The following RSBN1 variants were observed in gnomAD, a reference collection of about 807,000 sequenced individuals.
The protein encoded by RSBN1 is lysine-specific demethylase 9.
In RSBN1, 23 loss-of-function variants were observed where a neutral mutation model predicts 74.8. That is an observed-to-expected ratio of 0.31 (90% confidence interval 0.22 to 0.44). RSBN1 has a LOEUF of 0.44. RSBN1 is among the 20% of genes least tolerant of loss of function. The probability of loss-of-function intolerance (pLI) is 1.00; values close to 1 mark genes in which losing one functional copy is unlikely to be tolerated. For missense variants in RSBN1, 808 were observed against 1,020.9 expected (o/e 0.79, Z 2.84); for synonymous variants, 407 against 379.6 (o/e 1.07, Z -0.84).
rs1350920017 is a variant in RSBN1 at position 113,763,155 on chromosome 1, G to C, written c.*2825C>G. The C allele has an allele frequency of 1.3e-5, 2 of 152,596 alleles. No homozygotes were observed. Among genetic ancestry groups the C allele is most frequent in the Non-Finnish European group, 2.9e-5 (2 of 67,986 alleles). 9.5% of individuals were successfully genotyped at this position (152,596 alleles called of 1,614,324 possible). A position where few individuals can be genotyped will look rare whatever the true frequency, so the allele number is the denominator to read the frequency against. ...TCTTGGTATAGAGAATTACTTCTGG[G>C]GCAAGAGGAAGACTTTTATGCTTTT... On this transcript the variant is annotated 3_prime_UTR_variant, in exon 7 of 7. Transcript: ENST00000261441.
chr1:113,770,846 C>T (rs1290788035), intron 4 of RSBN1, among the ~76,000 whole-genome samples: 3 of 151,710 alleles, frequency 2.0e-5, no homozygotes, highest in Non-Finnish European at 2.9e-5. Flanking sequence ...TAAATGTCTC[C>T]GAATCAAAAG....
At position 113,812,249 on chromosome 1, in the gene RSBN1, G is replaced by A. The variant is rs757034435; in HGVS notation, c.164C>T (p.Ala55Val). The change falls in exon 1 of 7, where the codon GCG becomes GTG. Residue 55 changes from alanine (A) to valine (V), a missense_variant. By Grantham distance (64) the Ala-to-Val change is moderately conservative. Around this residue, in one of 6 missense-constraint regions of RSBN1, gnomAD observed 464 missense variants for 401.0 expected, o/e 1.16. Coordinates refer to ENST00000261441, the MANE Select transcript of RSBN1 (RefSeq NM_018364.5). The part of the protein sequence containing the change: ...FVGEMAAQVG[A>V]VRVVRAVAAQ... Reference sequence around the variant, plus strand: ...CGCCACCGCCCGTACTACGCGCACCGCTCCGACCTGCGCAGCCATTTCACC... The same window carrying A: ...CGCCACCGCCCGTACTACGCGCACCACTCCGACCTGCGCAGCCATTTCACC... 9 of 1,605,968 alleles carry A rather than the reference G, an allele frequency of 5.6e-6. 1 individual carries two copies. The highest frequency in any genetic ancestry group is 4.4e-5 in the South Asian group (4 of 91,084).
chr1:113,809,351 C>A (rs1217769706), intron 1 of RSBN1, among the ~76,000 whole-genome samples: 2 of 152,186 alleles, frequency 1.3e-5, no homozygotes, highest in Admixed American at 6.5e-5. Flanking sequence ...GCAATTTGTT[C>A]AGGCTCACAC....
intron 1 of RSBN1, among the ~76,000 whole-genome samples, chr1:113,801,326 C>T (rs780926366): frequency 2.6e-5 from 4 of 152,124 alleles, no homozygotes; most frequent in Non-Finnish European, 4.4e-5. Flanking sequence ...ATACAGAAAG[C>T]TTGACTTTTT....
chr1:113,804,692 A>C, intron 1 of RSBN1, among the ~76,000 whole-genome samples: 1 of 152,230 alleles, frequency 6.6e-6, no homozygotes, highest in East Asian at 1.9e-4. Context: ...CAGGGTGAGC[A>C]GGGAAAAATA....
intron 4 of RSBN1, among the ~76,000 whole-genome samples, chr1:113,771,946 G>T (rs1168584894): frequency 2.0e-5 from 3 of 151,586 alleles, no homozygotes; most frequent in African/African-American, 7.3e-5. Flanking sequence ...AGAAGTTATG[G>T]TACCAAATAT....
Position 113,770,490 on chromosome 1 carries a change from C to A in RSBN1, c.1659-2101G>T, listed in dbSNP as rs545314253. Among the ~76,000 whole-genome samples, 9 of 152,120 alleles carry A rather than the reference C, an allele frequency of 5.9e-5. No individual in the cohort carries two copies. The South Asian group carries it at 1.0e-3, about 18-fold the overall frequency. On this transcript the variant is annotated intron_variant, in intron 4 of 6. Transcript: ENST00000261441. ...GAACCAAAATTTTTGTTGCTTATAGCCAAAAACATCCTGATAAACTTTCAG... is the reference window on the plus strand; with the variant it reads ...GAACCAAAATTTTTGTTGCTTATAGACAAAAACATCCTGATAAACTTTCAG...
rs187654690 is a variant in RSBN1, at chr1:113,799,644, A to G, written c.704-1608T>C. Reference sequence around the variant, plus strand: ...TATCTGGAGAAATATATACCAAGCTATTAATGGTAGTTATCTATTGGTGGT... The same window carrying G: ...TATCTGGAGAAATATATACCAAGCTGTTAATGGTAGTTATCTATTGGTGGT... On this transcript the variant is annotated intron_variant, in intron 1 of 6. Coordinates refer to ENST00000261441, the MANE Select transcript of RSBN1 (RefSeq NM_018364.5). Among the ~76,000 whole-genome samples, 40 of 151,904 alleles carry G rather than the reference A, an allele frequency of 2.6e-4. No individual in the cohort carries two copies. The East Asian group carries it at 7.7e-3, about 29-fold the overall frequency.
At position 113,766,964 on chromosome 1, in the gene RSBN1, C is replaced by T. The variant is rs534290744; in HGVS notation, c.1935+135G>A. On this transcript the variant is annotated intron_variant, in intron 6 of 6. Transcript: ENST00000261441. The stretch of plus-strand genomic sequence containing the variant: ...TGTTTAAATGATTTTCAGCACCACC[C>T]CCACCCCAGTCTTTAACAGTAATAA... 3.6e-5 allele frequency: 20 copies of T among 548,376 alleles called. No individual in the cohort carries two copies. In the South Asian group the frequency reaches 5.3e-4, roughly 15 times the overall value. 34.0% of individuals were successfully genotyped at this position (548,376 alleles called of 1,614,324 possible).
chr1:113,777,761 C>T lies in RSBN1; in HGVS notation c.1425G>A (p.Arg475=). The change falls in exon 3 of 7, where the codon CGG becomes CGA. Residue 475 remains arginine (R), a synonymous_variant. Transcript: ENST00000261441. Reference sequence around the variant, plus strand: ...CTACTGCTCCAACGAGACTTATCTGCCGCATAGGACCTGCTCGGTAGGTGC... The same window carrying T: ...CTACTGCTCCAACGAGACTTATCTGTCGCATAGGACCTGCTCGGTAGGTGC... ...CCGTYRAGPM[R]QISLVGAVDE... is the part of the protein sequence containing the mutation. 2 of 1,609,596 alleles carry T rather than the reference C, an allele frequency of 1.2e-6. No homozygotes were observed. Among genetic ancestry groups the T allele is most frequent in the Non-Finnish European group, 1.7e-6 (2 of 1,176,980 alleles).
At chr1:113,782,302 G>T (rs548228383) in intron 2 of RSBN1, among the ~76,000 whole-genome samples, 1 of 152,226 alleles carries the variant, frequency 6.6e-6, no homozygotes, top group South Asian at 2.1e-4. Flanking sequence ...GTTAGATTTG[G>T]AGTTATAACT....
At chr1:113,771,668 C>T (rs1291595261) in intron 4 of RSBN1, among the ~76,000 whole-genome samples, 2 of 150,644 alleles carry the variant, frequency 1.3e-5, no homozygotes, top group South Asian at 2.1e-4. Context: ...AGAAAGTCAG[C>T]GTGGTTCTGG....
Position 113,762,917 on chromosome 1 carries a change from G to A in RSBN1, c.*3063C>T, listed in dbSNP as rs1197385942. 6.6e-6 allele frequency: 1 copy of A among 152,638 alleles called. No individual in the cohort carries two copies. Among genetic ancestry groups the A allele is most frequent in the East Asian group, 1.9e-4 (1 of 5,332 alleles). The allele number at this position is 152,638 out of a possible 1,614,324, so 9.5% of individuals were successfully genotyped here. A position where few individuals can be genotyped will look rare whatever the true frequency, so the allele number is the denominator to read the frequency against. ...TTCCAACTGTCTCTTAAGGGGAAAG[G>A]GCACTTTTCAAAAGTCTTTCACTAA... is the stretch of plus-strand genomic sequence containing the variant. On this transcript the variant is annotated 3_prime_UTR_variant, in exon 7 of 7. Coordinates refer to ENST00000261441, the MANE Select transcript of RSBN1 (RefSeq NM_018364.5).
chr1:113,798,379 T>C (rs1660514737), intron 1 of RSBN1, among the ~76,000 whole-genome samples: 1 of 152,226 alleles, frequency 6.6e-6, no homozygotes, highest in African/African-American at 2.4e-5. Flanking sequence ...ATGATGATTC[T>C]GAAATCTATG....
At chr1:113,779,505 A>G (rs1300511778) in intron 2 of RSBN1, among the ~76,000 whole-genome samples, 1 of 152,202 alleles carries the variant, frequency 6.6e-6, no homozygotes, top group Non-Finnish European at 1.5e-5. Flanking sequence ...ATATATTCAT[A>G]TGAATTACTT....
chr1:113,767,259 G>T, intron 5 of RSBN1, 52 bp from the exon 6 acceptor site: 2 of 1,057,474 alleles, frequency 1.9e-6, no homozygotes, highest in Non-Finnish European at 2.8e-6. Flanking sequence ...AATGAAAAAT[G>T]ATGACAAATT....
At chr1:113,770,682 G>A (rs968464410) in intron 4 of RSBN1, among the ~76,000 whole-genome samples, 1 of 152,030 alleles carries the variant, frequency 6.6e-6, no homozygotes, top group African/African-American at 2.4e-5. Context: ...AATATAAATA[G>A]AACTCACAAT....
intron 1 of RSBN1, among the ~76,000 whole-genome samples, chr1:113,807,406 C>A (rs2101828746): frequency 6.6e-6 from 1 of 151,214 alleles, no homozygotes; most frequent in Non-Finnish European, 1.5e-5. Context: ...ATGTGCAAAC[C>A]ATACAAAGAA....
chr1:113,811,647 G>T (rs963589645), intron 1 of RSBN1, 63 bp downstream of exon 1: 9 of 1,516,284 alleles, frequency 5.9e-6, no homozygotes, highest in Non-Finnish European at 6.2e-6. Context: ...CAGTCCTAAA[G>T]ATGCGGGATA....
Sources: allele counts gnomAD v4.1 joint callset (sites outside exome capture counted in the v4.1 genomes callset), GRCh38; gene constraint gnomAD v4.1.1; regional missense constraint gnomAD v4.1.1; transcripts MANE v1.5; gene names NCBI Gene and HGNC (gene_info 2026-07-23, HGNC 2026-07-21).